ROBO1: variants seen among roughly 807,000 people sequenced by gnomAD.
The protein encoded by ROBO1 is roundabout homolog 1.
A neutral mutation model predicts 195.9 loss-of-function variants in ROBO1; 149 were observed. The observed-to-expected ratio is 0.76, with a 90% CI of 0.67 to 0.87. The LOEUF is 0.87. Ranked by LOEUF, ROBO1 falls within the 40% of genes least tolerant of loss-of-function variation. The pLI is 0.00. For synonymous variants in ROBO1, 816 were observed against 733.2 expected (o/e 1.11, Z -1.82); for missense variants, 1,933 against 2,068.3 (o/e 0.93, Z 1.27).
At chr3:79,505,353 T>A (rs1940333690) in intron 2 of ROBO1, among the ~76,000 whole-genome samples, 1 of 152,122 alleles carries the variant, frequency 6.6e-6, no homozygotes. Context: ...AGAGATTTCA[T>A]CTCTTGTAAA....
chr3:78,604,163 C>A (rs547130721), intron 29 of ROBO1, among the ~76,000 whole-genome samples: 3 of 152,044 alleles, frequency 2.0e-5, no homozygotes, highest in Admixed American at 6.6e-5. Context: ...CTCCTCCTCC[C>A]GGGTTCAAGC....
chr3:78,844,064 T>A (rs1349339531), intron 4 of ROBO1, among the ~76,000 whole-genome samples: 1 of 152,130 alleles, frequency 6.6e-6, no homozygotes, highest in Non-Finnish European at 1.5e-5. Flanking sequence ...AGAAATAAAT[T>A]GTGATCATTC....
At chr3:79,164,194 A>G (rs910612562) in intron 2 of ROBO1, among the ~76,000 whole-genome samples, 1 of 152,182 alleles carries the variant, frequency 6.6e-6, no homozygotes, top group Non-Finnish European at 1.5e-5. Context: ...AGCAGCTAAT[A>G]ACATAAATGT....
chr3:78,935,093 G>A (rs1161034374), intron 4 of ROBO1, among the ~76,000 whole-genome samples: 1 of 152,132 alleles, frequency 6.6e-6, no homozygotes, highest in East Asian at 1.9e-4. Context: ...ATTGAAAGCA[G>A]CGAGAAAATA....
intron 1 of ROBO1, among the ~76,000 whole-genome samples, chr3:79,623,387 T>G (rs1013453250): frequency 6.6e-6 from 1 of 152,058 alleles, no homozygotes; most frequent in African/African-American, 2.4e-5. Flanking sequence ...AGATAGGCAA[T>G]AAAAAACTAT....
At position 79,664,488 on chromosome 3, in the gene ROBO1, C is replaced by T. The variant is rs554667253; in HGVS notation, c.-50-74527G>A. 4.6e-5 allele frequency among the ~76,000 whole-genome samples: 7 copies of T among 152,148 alleles called. No individual in the cohort carries two copies. The East Asian group carries it at 1.4e-3, about 30-fold the overall frequency. ...TGGATGCCTTGTCCTACATCTTCCC[C>T]TCCTAACTTAATGTCAGAAATATGC... On this transcript the variant is annotated intron_variant, in intron 1 of 30. Transcript: ENST00000464233.
chr3:79,261,900 T>C (rs529707017), intron 2 of ROBO1, among the ~76,000 whole-genome samples: 59 of 152,182 alleles, frequency 3.9e-4, no homozygotes, highest in Non-Finnish European at 7.5e-4. Context: ...TACGTTGTAA[T>C]TGATCTATAG....
intron 4 of ROBO1, among the ~76,000 whole-genome samples, chr3:78,843,951 A>T (rs565451977): frequency 2.6e-5 from 4 of 152,266 alleles, no homozygotes; most frequent in Admixed American, 2.6e-4. Context: ...TTATCTGTAA[A>T]TCAGCAATTG....
chr3:79,282,065 T>C (rs1000268918), intron 2 of ROBO1, among the ~76,000 whole-genome samples: 16 of 152,188 alleles, frequency 1.1e-4, no homozygotes, highest in African/African-American at 3.9e-4. Context: ...AGTAGTGGTC[T>C]ACAGGTAGGG....
At chr3:78,834,283 G>A (rs897446111) in intron 4 of ROBO1, among the ~76,000 whole-genome samples, 1 of 151,844 alleles carries the variant, frequency 6.6e-6, no homozygotes, top group Non-Finnish European at 1.5e-5. Flanking sequence ...CAGGGAGAAA[G>A]AGAATCTGGG....
rs1476459990 is a variant in ROBO1 at position 79,638,777 on chromosome 3, C to T, written c.-50-48816G>A. 2.0e-5 allele frequency among the ~76,000 whole-genome samples: 3 copies of T among 152,276 alleles called. No individual in the cohort carries two copies. The South Asian group carries it at 6.2e-4, about 32-fold the overall frequency. ...TCCAATCTAAGTTGAACAACACATT[C>T]ACTGTGTGTAAGAAAAAGGTGCTTT... On this transcript the variant is annotated intron_variant, in intron 1 of 30. Transcript: ENST00000464233.
chr3:79,449,405 C>G (rs989975362), intron 2 of ROBO1, among the ~76,000 whole-genome samples: 6 of 151,458 alleles, frequency 4.0e-5, no homozygotes, highest in African/African-American at 7.3e-5. Context: ...ATTCATTTCA[C>G]TAGGGGAAAA....
At chr3:78,832,462 G>A (rs889829926) in intron 4 of ROBO1, among the ~76,000 whole-genome samples, 5 of 152,074 alleles carry the variant, frequency 3.3e-5, no homozygotes, top group East Asian at 1.9e-4. Flanking sequence ...GAGGGGTAAC[G>A]TCATGAGCTA....
At chr3:79,312,483 A>T (rs1293548799) in intron 2 of ROBO1, among the ~76,000 whole-genome samples, 1 of 152,242 alleles carries the variant, frequency 6.6e-6, no homozygotes. Flanking sequence ...TTGCTTAAGC[A>T]TGATTTGTTG....
chr3:78,931,240 T>TTTC (rs1414294462), intron 4 of ROBO1, among the ~76,000 whole-genome samples: 1 of 123,960 alleles, frequency 8.1e-6, no homozygotes, highest in Non-Finnish European at 1.6e-5. Flanking sequence ...TTCTTTCTTT[T>TTTC]TTTTTTTTTT....
At chr3:79,224,500 C>A (rs947410603) in intron 2 of ROBO1, among the ~76,000 whole-genome samples, 2 of 152,112 alleles carry the variant, frequency 1.3e-5, no homozygotes, top group Non-Finnish European at 2.9e-5. Context: ...AAATTAAGTT[C>A]TCAAATGACA....
chr3:79,655,936 A>C (rs1576185490), intron 1 of ROBO1, among the ~76,000 whole-genome samples: 2 of 152,196 alleles, frequency 1.3e-5, no homozygotes, highest in South Asian at 4.1e-4. Context: ...GAAGAGGGGA[A>C]AGATCTCAAC....
intron 3 of ROBO1, among the ~76,000 whole-genome samples, chr3:79,008,141 C>T (rs1021137577): frequency 6.6e-6 from 1 of 152,150 alleles, no homozygotes; most frequent in Non-Finnish European, 1.5e-5. Context: ...CCCTGACCCA[C>T]CAGTTCCCAA....
At chr3:79,314,294 C>A (rs911884572) in intron 2 of ROBO1, among the ~76,000 whole-genome samples, 1 of 152,212 alleles carries the variant, frequency 6.6e-6, no homozygotes, top group Admixed American at 6.5e-5. Flanking sequence ...CAAATCACAT[C>A]TTGAACTGTA....
Sources: gnomAD v4.1 joint callset for allele counts (sites outside exome capture counted in the v4.1 genomes callset) on GRCh38, gnomAD v4.1.1 for gene constraint, MANE v1.5 for transcripts, NCBI Gene and HGNC (gene_info 2026-07-23, HGNC 2026-07-21) for gene names.